The following LIPA variants were observed in gnomAD, a reference collection of about 807,000 sequenced individuals.
LIPA encodes lipase A, lysosomal acid type.
Under a neutral mutation model 40.6 loss-of-function variants are expected in LIPA, and 26 were observed. The ratio of observed to expected loss-of-function variants is 0.64; its 90% CI spans 0.47 to 0.89. LIPA has a LOEUF of 0.89. LIPA is among the 40% of genes least tolerant of loss of function. The pLI is 0.00. For synonymous variants in LIPA, 188 were observed against 168.4 expected (o/e 1.12, Z -0.90); for missense variants, 455 against 479.6 (o/e 0.95, Z 0.48).
intron 1 of LIPA, among the ~76,000 whole-genome samples, chr10:89,413,426 T>C (rs948998324): frequency 2.6e-5 from 4 of 152,124 alleles, no homozygotes; most frequent in Admixed American, 6.5e-5. Context: ...AGGTAGACAA[T>C]ATTTCAATGC....
Position 89,383,815 on chromosome 10 carries a change from C to T in LIPA, c.61+28976G>A, listed in dbSNP as rs201423042. On this transcript the variant is annotated intron_variant, in intron 2 of 8. Transcript: ENST00000371837. ...GGCCAAGACCTGCTTTGAAAAGGCT[C>T]TGGAAGGGAACCCTGAAAACCCTGA... The T allele has an allele frequency of 1.2e-5, 20 of 1,614,210 alleles. No individual in the cohort carries two copies. The African/African-American group carries it at 2.4e-4, about 19-fold the overall frequency.
chr10:89,386,323 T>G (rs913336789), intron 2 of LIPA, among the ~76,000 whole-genome samples: 1 of 152,162 alleles, frequency 6.6e-6, no homozygotes, highest in Non-Finnish European at 1.5e-5. Flanking sequence ...TGATGGAGAT[T>G]TGGGAGAGTG....
chr10:89,365,182 G>A (rs1429844260), intron 2 of LIPA, among the ~76,000 whole-genome samples: 2 of 152,126 alleles, frequency 1.3e-5, no homozygotes, highest in African/African-American at 2.4e-5. Flanking sequence ...CCAGTGCATG[G>A]GGTTTCCAAG....
Position 89,223,802 on chromosome 10 carries a change from G to T in LIPA, c.704C>A (p.Pro235His), listed in dbSNP as rs755694575. The T allele has an allele frequency of 2.5e-6, 4 of 1,614,074 alleles. No homozygotes were observed. The highest frequency in any genetic ancestry group is 3.4e-6 in the Non-Finnish European group (4 of 1,180,004). Reference protein sequence around the residue: ...KDLFGDKEFLPQSAFLKWLGT... With the variant: ...KDLFGDKEFLHQSAFLKWLGT... ...CAGCCACTTCAAAAACGCACTCTGG[G>T]GAAGAAATTCTTTGTCTCCAAATAA... Residue 235 changes from proline (P) to histidine (H), a missense_variant, in exon 7 of 10, where the codon CCC becomes CAC. Physicochemically the swap from Pro to His is moderately conservative, Grantham distance 77 (BLOSUM62 -2). Coordinates refer to ENST00000336233, the MANE Select transcript of LIPA (RefSeq NM_000235.4).
exon 2 of LIPA, chr10:89,412,794 A>C: frequency 2.4e-6 from 1 of 418,728 alleles, no homozygotes; most frequent in Admixed American, 2.8e-5. Context: ...AACTCACCAG[A>C]AGGAAGAAAC....
intron 1 of LIPA, among the ~76,000 whole-genome samples, chr10:89,300,021 G>C (rs1176910376): frequency 6.6e-6 from 1 of 152,118 alleles, no homozygotes; most frequent in Non-Finnish European, 1.5e-5. Context: ...CAACATAGGT[G>C]CTCATCAGTG....
At chr10:89,372,992 G>T (rs926296262) in intron 2 of LIPA, among the ~76,000 whole-genome samples, 1 of 152,308 alleles carries the variant, frequency 6.6e-6, no homozygotes, top group African/African-American at 2.4e-5. Context: ...CCAGGTGAAT[G>T]AATATTTGAC....
chr10:89,236,187 A>G (rs1473318190), intron 3 of LIPA, among the ~76,000 whole-genome samples: 1 of 152,234 alleles, frequency 6.6e-6, no homozygotes, highest in African/African-American at 2.4e-5. Context: ...AAACTTAGAC[A>G]CACACTTACA....
chr10:89,365,516 A>G (rs7097569), intron 2 of LIPA, among the ~76,000 whole-genome samples: 34,798 of 151,928 alleles, frequency 0.23, 4,162 homozygotes, highest in African/African-American at 0.25. Flanking sequence ...TAGACATGAA[A>G]TCCTTGCCCA....
intron 2 of LIPA, among the ~76,000 whole-genome samples, chr10:89,399,361 A>C (rs1235218199): frequency 6.6e-6 from 1 of 152,088 alleles, no homozygotes; most frequent in Non-Finnish European, 1.5e-5. Flanking sequence ...CCATGCATAA[A>C]AGTTTTTAAT....
intron 2 of LIPA, among the ~76,000 whole-genome samples, chr10:89,385,906 T>G (rs1292846874): frequency 6.6e-6 from 1 of 152,244 alleles, no homozygotes; most frequent in Non-Finnish European, 1.5e-5. Context: ...ATTAGTGATA[T>G]TCAAAAACAA....
At chr10:89,304,036 C>T (rs1843462563) in intron 1 of LIPA, among the ~76,000 whole-genome samples, 1 of 152,218 alleles carries the variant, frequency 6.6e-6, no homozygotes, top group African/African-American at 2.4e-5. Flanking sequence ...CAGTCCTACC[C>T]ATGGTCCTGT....
chr10:89,257,501 G>T (rs750089314), intron 1 of LIPA, among the ~76,000 whole-genome samples: 1 of 152,132 alleles, frequency 6.6e-6, no homozygotes, highest in Non-Finnish European at 1.5e-5. Flanking sequence ...CAATGACCTG[G>T]TTTACTCTCC....
chr10:89,334,793 C>T (rs1843710359), intron 1 of LIPA, among the ~76,000 whole-genome samples: 2 of 151,986 alleles, frequency 1.3e-5, no homozygotes, highest in South Asian at 4.1e-4. Context: ...GCCCGGCCAC[C>T]TAGCTGTTCT....
chr10:89,339,912 T>C lies in LIPA; in HGVS notation c.-2+2699A>G, dbSNP rs770741024. On this transcript the variant is annotated intron_variant, in intron 1 of 5. Coordinates refer to the LIPA transcript ENST00000282673. ...CACAAAATGCACCAAATTATTGGTA[T>C]CTTCAAGGATTAATTCATAAGCAGA... 3.1e-6 allele frequency: 5 copies of C among 1,614,146 alleles called. No individual in the cohort carries two copies. The South Asian group carries it at 5.5e-5, about 18-fold the overall frequency.
intron 2 of LIPA, among the ~76,000 whole-genome samples, chr10:89,370,429 C>T (rs1365146364): frequency 1.3e-5 from 2 of 151,810 alleles, no homozygotes; most frequent in African/African-American, 4.8e-5. Context: ...GAGACAGGGT[C>T]TCTCCATGTT....
chr10:89,292,516 G>A (rs1843380299), intron 1 of LIPA: 1 of 152,222 alleles, frequency 6.6e-6, no homozygotes, highest in Non-Finnish European at 1.5e-5. Flanking sequence ...ATTCAAAGAT[G>A]GTAAATGGTA....
intron 2 of LIPA, among the ~76,000 whole-genome samples, chr10:89,354,175 T>A (rs1843977094): frequency 6.6e-6 from 1 of 152,172 alleles, no homozygotes; most frequent in Admixed American, 6.5e-5. Context: ...CCACCATATA[T>A]AAATTGTGTA....
chr10:89,217,333 G>GT (rs1394032297), intron 8 of LIPA, among the ~76,000 whole-genome samples: 2 of 152,214 alleles, frequency 1.3e-5, no homozygotes, highest in African/African-American at 2.4e-5. Flanking sequence ...TTTGGCATCT[G>GT]TTTTTGCCGT....
Sources: gnomAD v4.1 joint callset for allele counts (sites outside exome capture counted in the v4.1 genomes callset) on GRCh38, gnomAD v4.1.1 for gene constraint, MANE v1.5 for transcripts, NCBI Gene and HGNC (gene_info 2026-07-23, HGNC 2026-07-21) for gene names.